The following SUGCT variants were observed in gnomAD, a reference collection of about 807,000 sequenced individuals.
SUGCT encodes the protein succinyl-CoA:glutarate CoA-transferase.
A neutral mutation model predicts 55.0 loss-of-function variants in SUGCT; 41 were observed. That is an observed-to-expected ratio of 0.74 (90% CI 0.58 to 0.97). The LOEUF (loss-of-function observed/expected upper bound fraction) is 0.97, where lower values mean the gene tolerates loss of function less well. SUGCT is among the 50% of genes least tolerant of loss of function. The probability of loss-of-function intolerance (pLI) is 0.00; values close to 1 mark genes in which losing one functional copy is unlikely to be tolerated. For synonymous variants in SUGCT, 187 were observed against 200.4 expected, an observed-to-expected ratio of 0.93 and a Z score of 0.56; for missense variants, 568 against 547.8, an observed-to-expected ratio of 1.04 and a Z score of -0.37.
intron 6 of SUGCT, among the ~76,000 whole-genome samples, chr7:40,220,254 G>C (rs1787948271): frequency 6.6e-6 from 1 of 152,140 alleles, no homozygotes; most frequent in African/African-American, 2.4e-5. Flanking sequence ...CTGCTGCCAT[G>C]CTGACCCAGA....
intron 12 of SUGCT, among the ~76,000 whole-genome samples, chr7:40,617,863 A>G (rs1007239321): frequency 3.9e-5 from 6 of 152,118 alleles, no homozygotes; most frequent in African/African-American, 4.8e-5. Context: ...GTTCAACATC[A>G]TGTCTTCCTT....
At chr7:40,472,276 A>G (rs1197291888) in intron 11 of SUGCT, among the ~76,000 whole-genome samples, 1 of 152,168 alleles carries the variant, frequency 6.6e-6, no homozygotes, top group Non-Finnish European at 1.5e-5. Context: ...GAAATAGTGC[A>G]AAGCACATAC....
chr7:40,365,942 G>T (rs1328340560), intron 9 of SUGCT, among the ~76,000 whole-genome samples: 1 of 152,152 alleles, frequency 6.6e-6, no homozygotes, highest in Non-Finnish European at 1.5e-5. Context: ...CCAAAAAAGA[G>T]CTCACATCGC....
intron 7 of SUGCT, among the ~76,000 whole-genome samples, chr7:40,239,701 A>AT (rs1789247881): frequency 6.6e-6 from 1 of 152,248 alleles, no homozygotes; most frequent in Non-Finnish European, 1.5e-5. Flanking sequence ...TTCTCAGTCA[A>AT]TAACAGCTTT....
chr7:40,537,353 A>G (rs1177451135), intron 12 of SUGCT, among the ~76,000 whole-genome samples: 1 of 152,182 alleles, frequency 6.6e-6, no homozygotes, highest in Non-Finnish European at 1.5e-5. Flanking sequence ...AGTTTTAAAA[A>G]ATGCTATTTT....
chr7:40,219,151 G>A (rs1787879110), intron 6 of SUGCT, among the ~76,000 whole-genome samples: 1 of 151,978 alleles, frequency 6.6e-6, no homozygotes, highest in Non-Finnish European at 1.5e-5. Flanking sequence ...AACACTCATG[G>A]CCAAGGTCTG....
At chr7:40,280,860 G>A (rs1792904091) in intron 8 of SUGCT, among the ~76,000 whole-genome samples, 1 of 152,080 alleles carries the variant, frequency 6.6e-6, no homozygotes, top group Non-Finnish European at 1.5e-5. Flanking sequence ...GTTTTGATGA[G>A]TACCCGTATT....
intron 9 of SUGCT, among the ~76,000 whole-genome samples, chr7:40,367,678 A>C (rs1784069325): frequency 6.6e-6 from 1 of 152,120 alleles, no homozygotes; most frequent in Non-Finnish European, 1.5e-5. Context: ...AGGCAAACAC[A>C]TCTGTCCTCA....
At chr7:40,305,125 CTA>C (rs1794781386) in intron 8 of SUGCT, among the ~76,000 whole-genome samples, 1 of 152,166 alleles carries the variant, frequency 6.6e-6, no homozygotes, top group Non-Finnish European at 1.5e-5. Context: ...AACTCAGCCT[CTA>C]TGTTTATCCA....
intron 1 of SUGCT, among the ~76,000 whole-genome samples, chr7:40,172,601 G>A (rs1283493600): frequency 1.3e-5 from 2 of 152,150 alleles, no homozygotes; most frequent in Non-Finnish European, 2.9e-5. Context: ...TCAGGACCCA[G>A]GACGTATGGG....
In SUGCT at chr7:40,395,971, C is replaced by G. The variant is rs1785706485; in HGVS notation, c.817-53316C>G. On this transcript the variant is annotated intron_variant, in intron 9 of 13. Transcript: ENST00000335693. ...ACACCTTGAATTTATTCAACAGCCT[C>G]TATAAGGACTTTTTTGAGACTTCTG... Among the ~76,000 whole-genome samples, 3 of 152,212 alleles carry G rather than the reference C, an allele frequency of 2.0e-5. No individual in the cohort carries two copies. The South Asian group carries it at 6.2e-4, about 32-fold the overall frequency.
At chr7:41,021,049 C>T in the SUGCT span, among the ~76,000 whole-genome samples, 1 of 152,202 alleles carries the variant, frequency 6.6e-6, no homozygotes, top group South Asian at 2.1e-4. Flanking sequence ...TTACCCACTC[C>T]GTGAAGAGAC....
intron 7 of SUGCT, among the ~76,000 whole-genome samples, chr7:40,245,423 A>ATATATATATATATATATATATATTTTTTT (rs1344678220): frequency 1.8e-5 from 1 of 54,602 alleles, no homozygotes. Context: ...ATATATATAT[A>ATATATATATATATATATATATATTTTTTT]TTTTTTTTTT....
chr7:40,924,413 A>G, the SUGCT span, among the ~76,000 whole-genome samples: 4 of 152,084 alleles, frequency 2.6e-5, no homozygotes, highest in East Asian at 7.7e-4. Context: ...CTATGCTCAG[A>G]TAATTTTTGT....
At chr7:40,450,487 T>G (rs1352799181) in intron 10 of SUGCT, among the ~76,000 whole-genome samples, 1 of 151,634 alleles carries the variant, frequency 6.6e-6, no homozygotes, top group Non-Finnish European at 1.5e-5. Context: ...TAAAGATGAC[T>G]ATGAGGGCCA....
intron 13 of SUGCT, among the ~76,000 whole-genome samples, chr7:40,837,176 C>T (rs962683592): frequency 6.6e-6 from 1 of 152,204 alleles, no homozygotes; most frequent in African/African-American, 2.4e-5. Flanking sequence ...TATTATAATT[C>T]CTGAATGGCT....
intron 9 of SUGCT, among the ~76,000 whole-genome samples, chr7:40,346,907 A>T (rs537134327): frequency 6.6e-6 from 1 of 152,334 alleles, no homozygotes; most frequent in African/African-American, 2.4e-5. Flanking sequence ...CTGGAACGCG[A>T]TTCTCGGACT....
intron 13 of SUGCT, among the ~76,000 whole-genome samples, chr7:40,813,493 G>A (rs1040776676): frequency 6.6e-6 from 1 of 151,962 alleles, no homozygotes; most frequent in South Asian, 2.1e-4. Flanking sequence ...TACTGTTGTT[G>A]GTTTAAAGTA....
At chr7:40,445,632 C>T (rs1788786802) in intron 9 of SUGCT, among the ~76,000 whole-genome samples, 1 of 152,130 alleles carries the variant, frequency 6.6e-6, no homozygotes, top group Admixed American at 6.6e-5. Flanking sequence ...AGGGAATCCT[C>T]CCTAACTCAT....
Sources: gnomAD v4.1 joint callset for allele counts (sites outside exome capture counted in the v4.1 genomes callset) on GRCh38, gnomAD v4.1.1 for gene constraint, MANE v1.5 for transcripts, NCBI Gene and HGNC (gene_info 2026-07-23, HGNC 2026-07-21) for gene names.